Variants in NUP210L observed in about 807,000 individuals in gnomAD.
NUP210L encodes the protein nuclear pore membrane glycoprotein 210-like.
In NUP210L, 74 loss-of-function variants were observed where a neutral mutation model predicts 208.5. The ratio of observed to expected loss-of-function variants is 0.35; its 90% confidence interval spans 0.29 to 0.43. The LOEUF is 0.43. Among genes scored for constraint, NUP210L ranks in the 20% least tolerant of loss-of-function variants. NUP210L has a pLI of 1.00. For missense variants in NUP210L, 1,843 were observed against 2,289.4 expected, an observed-to-expected ratio of 0.81 and a Z score of 3.98; for synonymous variants, 780 against 816.9, an observed-to-expected ratio of 0.95 and a Z score of 0.77.
chr1:154,046,169 G>A lies in NUP210L; in HGVS notation c.3596C>T (p.Thr1199Ile), dbSNP rs749698642. The A allele has an allele frequency of 4.3e-6, 7 of 1,613,990 alleles. No homozygotes were observed. In the South Asian group the frequency reaches 6.6e-5, roughly 15 times the overall value. ...ATTGCTGAAGGAGAAAGGGGTCTGG[G>A]TACTGGTTACTCCCATGACATAAAC... is the stretch of plus-strand genomic sequence containing the variant. The change falls in exon 27 of 40, where the codon ACC becomes ATC. Residue 1199 changes from threonine (T) to isoleucine (I), a missense_variant. Thr to Ile is a moderately conservative substitution (Grantham distance 89). This residue lies in a region of NUP210L where 781 missense variants were observed against 973.8 expected (regional missense o/e 0.80). Transcript: ENST00000368559.
At chr1:154,127,848 C>T (rs1557997365) in intron 8 of NUP210L, among the ~76,000 whole-genome samples, 1 of 151,856 alleles carries the variant, frequency 6.6e-6, no homozygotes, top group Non-Finnish European at 1.5e-5. Flanking sequence ...AGCCACTGTG[C>T]CTGGTCTAAA....
At chr1:154,039,143 C>A (rs1652719635) in intron 27 of NUP210L, among the ~76,000 whole-genome samples, 1 of 151,764 alleles carries the variant, frequency 6.6e-6, no homozygotes, top group South Asian at 2.1e-4. Context: ...CATTAATGTC[C>A]TTTTCTTTCA....
intron 16 of NUP210L, among the ~76,000 whole-genome samples, chr1:154,082,907 TCA>T (rs1655418917): frequency 6.6e-6 from 1 of 152,086 alleles, no homozygotes; most frequent in South Asian, 2.1e-4. Context: ...CTGCAGACCT[TCA>T]CAGTTAGTGT....
chr1:154,074,141 C>T (rs1391517779), intron 16 of NUP210L, among the ~76,000 whole-genome samples: 2 of 151,978 alleles, frequency 1.3e-5, no homozygotes, highest in East Asian at 1.9e-4. Flanking sequence ...TGGTGACTGC[C>T]ACTGGAGATC....
chr1:154,153,438 T>C (rs1659503829), intron 1 of NUP210L, among the ~76,000 whole-genome samples: 1 of 152,042 alleles, frequency 6.6e-6, no homozygotes, highest in African/African-American at 2.4e-5. Context: ...GCCTCTCGAG[T>C]AGCTGAGATT....
At chr1:154,097,545 T>G (rs958992291) in intron 14 of NUP210L, among the ~76,000 whole-genome samples, 5 of 152,110 alleles carry the variant, frequency 3.3e-5, no homozygotes, top group Admixed American at 1.3e-4. Context: ...AGAAGGAGGA[T>G]TCACCCACCC....
intron 13 of NUP210L, among the ~76,000 whole-genome samples, chr1:154,103,363 C>A (rs1656570146): frequency 6.8e-6 from 1 of 147,660 alleles, no homozygotes; most frequent in Non-Finnish European, 1.5e-5. Context: ...CACTGCACTC[C>A]AGCCTGGGCA....
intron 7 of NUP210L, among the ~76,000 whole-genome samples, chr1:154,131,158 G>C (rs1468064482): frequency 6.6e-6 from 1 of 151,608 alleles, no homozygotes; most frequent in Non-Finnish European, 1.5e-5. Context: ...TGTAGTCCCA[G>C]CTACTTGGGA....
chr1:153,998,291 A>G (rs538932617), intron 37 of NUP210L, among the ~76,000 whole-genome samples: 3 of 152,268 alleles, frequency 2.0e-5, no homozygotes, highest in East Asian at 3.9e-4. Context: ...GCAGTAACTT[A>G]CGCCTGTAAT....
At chr1:154,069,346 A>G (rs949465271) in intron 17 of NUP210L, among the ~76,000 whole-genome samples, 2 of 152,248 alleles carry the variant, frequency 1.3e-5, no homozygotes, top group Admixed American at 6.5e-5. Context: ...AAACAAATTT[A>G]CAAGAAAAAA....
intron 29 of NUP210L, 33 bp downstream of exon 29, chr1:154,027,473 T>C (rs747054823): frequency 2.1e-6 from 3 of 1,405,970 alleles, no homozygotes; most frequent in Non-Finnish European, 3.0e-6. Context: ...TAAGCTTAGA[T>C]CCTGGCACTT....
At chr1:154,148,724 A>C (rs1252423617) in intron 2 of NUP210L, among the ~76,000 whole-genome samples, 3 of 152,222 alleles carry the variant, frequency 2.0e-5, no homozygotes, top group Non-Finnish European at 4.4e-5. Flanking sequence ...ATTAACATTT[A>C]ACTGACAAAC....
At chr1:154,043,021 CTTTTT>C (rs34453410) in intron 27 of NUP210L, among the ~76,000 whole-genome samples, 2 of 126,822 alleles carry the variant, frequency 1.6e-5, no homozygotes, top group Non-Finnish European at 1.6e-5. Context: ...CCATTAAGAC[CTTTTT>C]TTTTTTTTTT....
At chr1:153,995,977 G>A in intron 37 of NUP210L, 2 of 408,780 alleles carry the variant, frequency 4.9e-6, no homozygotes, top group Admixed American at 3.2e-5. Flanking sequence ...AAACTTTTGA[G>A]TAATAAAAAT....
intron 22 of NUP210L, among the ~76,000 whole-genome samples, chr1:154,057,228 A>T: frequency 6.6e-6 from 1 of 152,078 alleles, no homozygotes; most frequent in African/African-American, 2.4e-5. Flanking sequence ...TCCTCCTGCC[A>T]CAGCCTCCCA....
intron 23 of NUP210L, among the ~76,000 whole-genome samples, chr1:154,055,112 C>CTCTT (rs1429751968): frequency 7.1e-6 from 1 of 140,648 alleles, no homozygotes; most frequent in African/African-American, 2.7e-5. Context: ...TCTTTTCTTT[C>CTCTT]TCTTTCTTTC....
chr1:153,995,268 C>A, intron 37 of NUP210L, 88 bp from the exon 38 acceptor site: 1 of 916,660 alleles, frequency 1.1e-6, no homozygotes, highest in Non-Finnish European at 1.7e-6. Flanking sequence ...TTTTTTGAGA[C>A]AGAGTTTTAC....
Position 154,004,842 on chromosome 1 carries a change from C to T in NUP210L, c.4931-2857G>A, listed in dbSNP as rs1204978165. ...CTCTTTTCTTTTTTTCTTTTCTTTT[C>T]TTTCTTTCTTTCTTTTTTTTTTTTT... On this transcript the variant is annotated intron_variant, in intron 35 of 39. Coordinates refer to ENST00000368559, the Ensembl canonical transcript of NUP210L. 4.2e-4 allele frequency among the ~76,000 whole-genome samples: 52 copies of T among 125,204 alleles called. 1 individual carries two copies. In the South Asian group the frequency reaches 0.01, roughly 25 times the overall value. The allele number at this position is 125,204 out of a possible 152,430, so 82.1% of individuals were successfully genotyped here.
In NUP210L at chr1:154,090,820, A is replaced by G. The variant is rs1390331621; in HGVS notation, c.2188-1226T>C. 1.3e-5 allele frequency among the ~76,000 whole-genome samples: 2 copies of G among 152,054 alleles called. 1 individual carries two copies. The highest frequency in any genetic ancestry group is 3.9e-4 in the East Asian group (2 of 5,180). ...GAGTCAAACTACATCTAAAAAAAAA[A>G]AAAGAAAGAAACTGAAAATAACAAG... On this transcript the variant is annotated intron_variant, in intron 15 of 39. Coordinates refer to ENST00000368559, the Ensembl canonical transcript of NUP210L.
Sources: gnomAD v4.1 joint callset for allele counts (sites outside exome capture counted in the v4.1 genomes callset) on GRCh38, gnomAD v4.1.1 for gene constraint, gnomAD v4.1.1 regional missense constraint, MANE v1.5 for transcripts, NCBI Gene and HGNC (gene_info 2026-07-23, HGNC 2026-07-21) for gene names.